SCAF8: variants seen among roughly 807,000 people sequenced by gnomAD.
SCAF8 encodes SR-related CTD associated factor 8, also known as SR-related and CTD-associated factor 8.
A neutral mutation model predicts 140.5 loss-of-function variants in SCAF8; 23 were observed. The observed-to-expected ratio is 0.16, with a 90% CI of 0.12 to 0.23. The LOEUF (loss-of-function observed/expected upper bound fraction) is 0.23, where lower values mean the gene tolerates loss of function less well. Among genes scored for constraint, SCAF8 ranks in the 10% least tolerant of loss-of-function variants. The pLI is 1.00. For synonymous variants in SCAF8, 575 were observed against 528.9 expected (o/e 1.09, Z -1.20); for missense variants, 1,397 against 1,555.7 (o/e 0.90, Z 1.72).
chr6:154,760,153 A>G (rs1779066434), intron 1 of SCAF8, among the ~76,000 whole-genome samples: 1 of 151,962 alleles, frequency 6.6e-6, no homozygotes, highest in Non-Finnish European at 1.5e-5. Context: ...AATTAGCCAG[A>G]TGTAGTGGTG....
chr6:154,804,503 CTAAT>C (rs1004648099), intron 8 of SCAF8, among the ~76,000 whole-genome samples: 3 of 152,130 alleles, frequency 2.0e-5, no homozygotes, highest in Non-Finnish European at 4.4e-5. Flanking sequence ...GAGAAGTTAA[CTAAT>C]TGTTATTATT....
At chr6:154,754,815 C>T (rs1257053540) in intron 1 of SCAF8, among the ~76,000 whole-genome samples, 2 of 152,146 alleles carry the variant, frequency 1.3e-5, no homozygotes, top group Non-Finnish European at 2.9e-5. Flanking sequence ...ATTATCTCTT[C>T]AGAAATTACT....
intron 9 of SCAF8, among the ~76,000 whole-genome samples, chr6:154,806,193 C>T (rs1777908258): frequency 6.6e-6 from 1 of 152,150 alleles, no homozygotes. Flanking sequence ...CCTTTAAGTT[C>T]ATCTTACGAA....
intron 4 of SCAF8, among the ~76,000 whole-genome samples, chr6:154,790,487 G>T (rs1270711546): frequency 1.1e-4 from 12 of 106,798 alleles, no homozygotes; most frequent in East Asian, 7.4e-4. Context: ...ACATTTAACA[G>T]AATTTTTTTT....
intron 3 of SCAF8, among the ~76,000 whole-genome samples, chr6:154,785,722 A>G (rs1015730621): frequency 2.0e-5 from 3 of 152,212 alleles, no homozygotes; most frequent in African/African-American, 4.8e-5. Context: ...ATATGGTCCA[A>G]CTTACCTAGA....
At chr6:154,811,373 T>TG (rs1304705331) in intron 12 of SCAF8, among the ~76,000 whole-genome samples, 1 of 151,738 alleles carries the variant, frequency 6.6e-6, no homozygotes, top group Non-Finnish European at 1.5e-5. Flanking sequence ...TTTGTCATGT[T>TG]GTTGATTTCA....
chr6:154,747,552 C>T (rs546688970), intron 1 of SCAF8, among the ~76,000 whole-genome samples: 1 of 152,124 alleles, frequency 6.6e-6, no homozygotes, highest in African/African-American at 2.4e-5. Context: ...CATATACCAT[C>T]CTTAGTTTGA....
intron 3 of SCAF8, among the ~76,000 whole-genome samples, chr6:154,783,605 T>C (rs568663372): frequency 1.3e-5 from 2 of 152,254 alleles, no homozygotes; most frequent in Non-Finnish European, 2.9e-5. Context: ...CTAGAGATTA[T>C]CATCATGAAA....
Position 154,788,046 on chromosome 6 carries a change from TG to T in SCAF8, c.321+25del, listed in dbSNP as rs778895023. On this transcript the variant is annotated intron_variant, in intron 4 of 19. Coordinates refer to ENST00000367178, the MANE Select transcript of SCAF8 (RefSeq NM_014892.5). ...AGGTATGCTACTGGTTTTTTTTTTTTGTTTTTTTAAAAGTAGATACAGTAGC... is the reference window on the plus strand; with the variant it reads ...AGGTATGCTACTGGTTTTTTTTTTTTTTTTTTTAAAAGTAGATACAGTAGC... The T allele has an allele frequency of 3.8e-6, 6 of 1,567,240 alleles. No homozygotes were observed. The African/African-American group carries it at 5.5e-5, about 14-fold the overall frequency.
At position 154,733,664 on chromosome 6, in the gene SCAF8, G is replaced by A; in HGVS notation, c.-237G>A. 2 of 1,291,586 alleles carry A rather than the reference G, an allele frequency of 1.5e-6. No individual in the cohort carries two copies. The highest frequency in any genetic ancestry group is 4.2e-5 in the Admixed American group (1 of 23,600). The allele number at this position is 1,291,586 out of a possible 1,614,324, so 80.0% of individuals were successfully genotyped here. A position where few individuals can be genotyped will look rare whatever the true frequency, so the allele number is the denominator to read the frequency against. On this transcript the variant is annotated 5_prime_UTR_variant, in exon 1 of 20. Coordinates refer to ENST00000367178, the MANE Select transcript of SCAF8 (RefSeq NM_014892.5). Reference sequence around the variant, plus strand: ...GCCGACCCGCCCCGGCAGCGCCTCTGTTCCCTAGAACGGCGCTCCCCCCGC... The same window carrying A: ...GCCGACCCGCCCCGGCAGCGCCTCTATTCCCTAGAACGGCGCTCCCCCCGC...
intron 1 of SCAF8, among the ~76,000 whole-genome samples, chr6:154,772,944 G>C (rs1224149740): frequency 1.3e-5 from 2 of 152,048 alleles, no homozygotes; most frequent in Non-Finnish European, 2.9e-5. Context: ...ATTTTTAGTA[G>C]CGACAGGGTT....
intron 4 of SCAF8, among the ~76,000 whole-genome samples, chr6:154,791,494 A>G (rs1263894717): frequency 1.3e-5 from 2 of 152,184 alleles, no homozygotes; most frequent in Non-Finnish European, 2.9e-5. Flanking sequence ...CTCCCTCCCA[A>G]GATGCTCAAA....
intron 1 of SCAF8, among the ~76,000 whole-genome samples, chr6:154,747,126 A>C (rs754959985): frequency 3.3e-5 from 5 of 152,342 alleles, no homozygotes; most frequent in Non-Finnish European, 7.4e-5. Context: ...TGGAATCTCC[A>C]GTCCAGGGGG....
At chr6:154,817,022 T>C (rs1336870386) in intron 13 of SCAF8, among the ~76,000 whole-genome samples, 1 of 125,140 alleles carries the variant, frequency 8.0e-6, no homozygotes, top group African/African-American at 3.1e-5. Flanking sequence ...ACCTCTCTTA[T>C]TCTTTTGTCT....
In SCAF8 at chr6:154,832,296, A is replaced by G. The variant is rs375302571; in HGVS notation, c.2717A>G (p.Gln906Arg). 7 of 1,614,128 alleles carry G rather than the reference A, an allele frequency of 4.3e-6. No individual in the cohort carries two copies. Among genetic ancestry groups the G allele is most frequent in the Non-Finnish European group, 5.1e-6 (6 of 1,180,022 alleles). The change falls in exon 20 of 20, where the codon CAA becomes CGA. Residue 906 changes from glutamine to arginine, a missense_variant. This residue lies in a region of SCAF8 where 930 missense variants were observed against 874.6 expected (regional missense o/e 1.06). Transcript: ENST00000367178. Reference sequence around the variant, plus strand: ...GGAACACAGCCACCAGCTGGACCTCAAAACTTACCCCCTTTAAGTATCCCT... The same window carrying G: ...GGAACACAGCCACCAGCTGGACCTCGAAACTTACCCCCTTTAAGTATCCCT... ...LLGTQPPAGP[Q>R]NLPPLSIPNQ... is the part of the protein sequence containing the mutation.
intron 2 of SCAF8, among the ~76,000 whole-genome samples, chr6:154,777,643 C>T (rs137934869): frequency 8.6e-4 from 131 of 152,228 alleles, no homozygotes; most frequent in African/African-American, 3.1e-3. Context: ...TGTACTTTTC[C>T]TTTCATGAAT....
chr6:154,788,034 G>A lies in SCAF8; in HGVS notation c.321+12G>A, dbSNP rs772112576. The A allele has an allele frequency of 2.3e-5, 29 of 1,237,454 alleles. No individual in the cohort carries two copies. In the South Asian group the frequency reaches 4.2e-4, roughly 18 times the overall value. The allele number at this position is 1,237,454 out of a possible 1,614,324, so 76.7% of individuals were successfully genotyped here. On this transcript the variant is annotated intron_variant, in intron 4 of 19. Transcript: ENST00000367178. ...CTGGGGATGACAAGGTATGCTACTGGTTTTTTTTTTTTGTTTTTTTAAAAG... is the reference window on the plus strand; with the variant it reads ...CTGGGGATGACAAGGTATGCTACTGATTTTTTTTTTTTGTTTTTTTAAAAG...
At chr6:154,752,709 ACTATAATGTATTTTG>A (rs1433141208) in intron 1 of SCAF8, among the ~76,000 whole-genome samples, 42 of 152,150 alleles carry the variant, frequency 2.8e-4, no homozygotes, top group African/African-American at 9.7e-4. Context: ...TAAAATACAG[ACTATAATGTATTTTG>A]CTTGTTTGTT....
intron 19 of SCAF8, among the ~76,000 whole-genome samples, chr6:154,831,703 TAAAAAAAAAAAAAAAAAAAAAAAAAAAA>T (rs58013583): frequency 4.2e-5 from 2 of 48,094 alleles, no homozygotes; most frequent in African/African-American, 1.4e-4. Flanking sequence ...CTCCTGTTCT[TAAAAAAAAAAAAAAAAAAAAAAAAAAAA>T]AAAAAAAAAA....
Sources: gnomAD v4.1 joint callset for allele counts (sites outside exome capture counted in the v4.1 genomes callset) on GRCh38, gnomAD v4.1.1 for gene constraint, gnomAD v4.1.1 regional missense constraint, MANE v1.5 for transcripts, NCBI Gene and HGNC (gene_info 2026-07-23, HGNC 2026-07-21) for gene names.